Variants in KCNH1 observed in about 807,000 individuals in gnomAD.
The protein encoded by KCNH1 is voltage-gated delayed rectifier potassium channel KCNH1.
In KCNH1, 27 loss-of-function variants were observed where a neutral mutation model predicts 69.2. The observed-to-expected ratio is 0.39, with a 90% CI of 0.29 to 0.54. The LOEUF (loss-of-function observed/expected upper bound fraction) is 0.54, where lower values mean the gene tolerates loss of function less well. Ranked by LOEUF, KCNH1 falls within the 20% of genes least tolerant of loss-of-function variation. KCNH1 has a pLI of 0.68. For missense variants in KCNH1, 798 were observed against 1,261.6 expected (o/e 0.63, Z 5.57); for synonymous variants, 456 against 487.7 (o/e 0.93, Z 0.86).
At chr1:210,827,197 G>A (rs952264512) in intron 7 of KCNH1, among the ~76,000 whole-genome samples, 25 of 152,062 alleles carry the variant, frequency 1.6e-4, no homozygotes, top group African/African-American at 5.6e-4. Context: ...TTAGCCAGGC[G>A]TGGTGGCGGG....
intron 6 of KCNH1, among the ~76,000 whole-genome samples, chr1:210,991,240 C>T (rs780586530): frequency 3.9e-5 from 6 of 152,030 alleles, no homozygotes; most frequent in African/African-American, 9.7e-5. Context: ...ACAAAGAAAA[C>T]GTAGTATATA....
chr1:210,982,614 G>A (rs2102379339), intron 6 of KCNH1, among the ~76,000 whole-genome samples: 1 of 152,136 alleles, frequency 6.6e-6, no homozygotes, highest in Admixed American at 6.5e-5. Flanking sequence ...ACTTTTTATG[G>A]CTGCATAGTA....
chr1:210,981,742 G>A (rs951708932), intron 6 of KCNH1, among the ~76,000 whole-genome samples: 1 of 152,108 alleles, frequency 6.6e-6, no homozygotes, highest in African/African-American at 2.4e-5. Flanking sequence ...CAAACTTGTG[G>A]AGACTTTTTT....
intron 7 of KCNH1, among the ~76,000 whole-genome samples, chr1:210,854,546 G>A (rs1000863971): frequency 1.3e-5 from 2 of 152,218 alleles, no homozygotes; most frequent in African/African-American, 4.8e-5. Flanking sequence ...ATGTGGCAGA[G>A]CTTATGTCTG....
chr1:210,854,695 A>G (rs1302350495), intron 7 of KCNH1, among the ~76,000 whole-genome samples: 1 of 152,148 alleles, frequency 6.6e-6, no homozygotes, highest in Non-Finnish European at 1.5e-5. Flanking sequence ...ACCTGAGGAG[A>G]AGGGAGAAGT....
chr1:210,788,700 T>C lies in KCNH1; in HGVS notation c.1915+8808A>G, dbSNP rs1193415853. Among the ~76,000 whole-genome samples, 41 of 129,260 alleles carry C rather than the reference T, an allele frequency of 3.2e-4. 1 individual carries two copies. The highest frequency in any genetic ancestry group is 1.2e-3 in the African/African-American group (38 of 32,460). 84.8% of individuals were successfully genotyped at this position (129,260 alleles called of 152,430 possible). On this transcript the variant is annotated intron_variant, in intron 9 of 10. Transcript: ENST00000271751. The stretch of plus-strand genomic sequence containing the variant: ...TAGCTTCTTTCTTTTTTTTTTTTTT[T>C]TTTTTTTTTTTTTTGAGACGGAGTC...
At chr1:210,757,884 G>A (rs1186472009) in intron 10 of KCNH1, among the ~76,000 whole-genome samples, 1 of 152,248 alleles carries the variant, frequency 6.6e-6, no homozygotes, top group Non-Finnish European at 1.5e-5. Context: ...GCAGTGGCCA[G>A]AGGCCTGCTG....
Position 210,797,076 on chromosome 1 carries a change from C to T in KCNH1, c.1915+432G>A, listed in dbSNP as rs187816652. On this transcript the variant is annotated intron_variant, in intron 9 of 10. Coordinates refer to ENST00000271751, the MANE Select transcript of KCNH1 (RefSeq NM_172362.3). Reference sequence around the variant, plus strand: ...TTCCCCAAATGAGTCATGAGTTTCTCCCTCTGAAAGGATTTGACACATGCT... The same window carrying T: ...TTCCCCAAATGAGTCATGAGTTTCTTCCTCTGAAAGGATTTGACACATGCT... Among the ~76,000 whole-genome samples, 6 of 151,712 alleles carry T rather than the reference C, an allele frequency of 4.0e-5. No homozygotes were observed. The East Asian group carries it at 1.2e-3, about 29-fold the overall frequency.
intron 10 of KCNH1, among the ~76,000 whole-genome samples, chr1:210,691,951 C>T (rs1196031133): frequency 6.6e-6 from 1 of 152,206 alleles, no homozygotes; most frequent in Non-Finnish European, 1.5e-5. Context: ...CCTCTGGGTC[C>T]AGCACTAGTT....
intron 6 of KCNH1, among the ~76,000 whole-genome samples, chr1:211,004,079 G>A (rs939197502): frequency 2.2e-4 from 33 of 152,064 alleles, no homozygotes; most frequent in African/African-American, 6.5e-4. Flanking sequence ...GGGCGACAGC[G>A]AGACTCTGTC....
At chr1:210,994,399 C>T (rs956073325) in intron 6 of KCNH1, among the ~76,000 whole-genome samples, 3 of 152,082 alleles carry the variant, frequency 2.0e-5, no homozygotes, top group Admixed American at 1.3e-4. Context: ...TGAGTTGAGT[C>T]ATAATTAATC....
chr1:210,976,601 G>A (rs1445003553), intron 6 of KCNH1, among the ~76,000 whole-genome samples: 1 of 142,758 alleles, frequency 7.0e-6, no homozygotes, highest in African/African-American at 2.6e-5. Context: ...TCCCATTACT[G>A]GGTATATACC....
chr1:210,901,582 G>C (rs1686996392), intron 7 of KCNH1, among the ~76,000 whole-genome samples: 1 of 152,142 alleles, frequency 6.6e-6, no homozygotes, highest in Non-Finnish European at 1.5e-5. Flanking sequence ...CTGAAGAAGT[G>C]AAAGACACCA....
At chr1:210,732,652 T>C (rs1407612788) in intron 10 of KCNH1, among the ~76,000 whole-genome samples, 2 of 152,150 alleles carry the variant, frequency 1.3e-5, no homozygotes, top group African/African-American at 4.8e-5. Context: ...AACAGCAATA[T>C]ATTGCTCACA....
chr1:210,724,798 T>C (rs1232691176), intron 10 of KCNH1, among the ~76,000 whole-genome samples: 1 of 152,142 alleles, frequency 6.6e-6, no homozygotes, highest in Non-Finnish European at 1.5e-5. Context: ...TCATACCTCA[T>C]CTGTTCAGAC....
intron 1 of KCNH1, among the ~76,000 whole-genome samples, chr1:211,120,531 T>C (rs1161927724): frequency 6.6e-6 from 1 of 152,110 alleles, no homozygotes; most frequent in African/African-American, 2.4e-5. Flanking sequence ...GTCTTAATAA[T>C]TTCTTAATGC....
chr1:210,875,280 GA>G (rs1686345446), intron 7 of KCNH1, among the ~76,000 whole-genome samples: 3 of 152,080 alleles, frequency 2.0e-5, no homozygotes, highest in Non-Finnish European at 4.4e-5. Context: ...TTAAAGTCAG[GA>G]ACAAGCAAGA....
intron 7 of KCNH1, among the ~76,000 whole-genome samples, chr1:210,820,577 T>C (rs1028191663): frequency 6.6e-6 from 1 of 152,080 alleles, no homozygotes; most frequent in Admixed American, 6.6e-5. Flanking sequence ...GAGGTTGCAG[T>C]GAGCCGAGAT....
chr1:211,132,256 G>A (rs989419371), intron 1 of KCNH1, among the ~76,000 whole-genome samples: 1 of 152,098 alleles, frequency 6.6e-6, no homozygotes, highest in Admixed American at 6.5e-5. Context: ...CCCCTTAATA[G>A]TCCAATAAAA....
Sources: allele counts gnomAD v4.1 joint callset (sites outside exome capture counted in the v4.1 genomes callset), GRCh38; gene constraint gnomAD v4.1.1; transcripts MANE v1.5; gene names NCBI Gene and HGNC (gene_info 2026-07-23, HGNC 2026-07-21).